HIVEP1: variants seen among roughly 807,000 people sequenced by gnomAD.
The protein encoded by HIVEP1 is zinc finger protein 40.
Under a neutral mutation model 180.0 loss-of-function variants are expected in HIVEP1, and 36 were observed. The observed-to-expected ratio is 0.20, with a 90% CI of 0.15 to 0.26. The LOEUF (loss-of-function observed/expected upper bound fraction) is 0.26. HIVEP1 is among the 10% of genes least tolerant of loss of function. The pLI, the probability that HIVEP1 is intolerant of heterozygous loss-of-function variation, is 1.00. For synonymous variants in HIVEP1, 1,239 were observed against 1,239.0 expected (o/e 1.00, Z 0.00); for missense variants, 3,143 against 3,268.7 (o/e 0.96, Z 0.94).
At chr6:12,016,982 CCCTAG>C (rs1185570599) in intron 2 of HIVEP1, among the ~76,000 whole-genome samples, 1 of 152,194 alleles carries the variant, frequency 6.6e-6, no homozygotes, top group Non-Finnish European at 1.5e-5. Flanking sequence ...TGAGCAGCAG[CCCTAG>C]CCCAGCACAG....
At chr6:12,015,697 G>T (rs1300959918) in intron 2 of HIVEP1, 29 bp downstream of exon 2, 5 of 1,598,700 alleles carry the variant, frequency 3.1e-6, no homozygotes, top group Non-Finnish European at 4.3e-6. Context: ...TAGAAGTAAG[G>T]CTTGCTGTAA....
chr6:12,048,991 A>G (rs1163398015), intron 2 of HIVEP1, among the ~76,000 whole-genome samples: 2 of 152,226 alleles, frequency 1.3e-5, no homozygotes, highest in Non-Finnish European at 2.9e-5. Flanking sequence ...ATTGGGCATT[A>G]TGATGAGATT....
intron 2 of HIVEP1, among the ~76,000 whole-genome samples, chr6:12,021,177 C>T (rs12660475): frequency 6.6e-6 from 1 of 152,164 alleles, no homozygotes; most frequent in African/African-American, 2.4e-5. Flanking sequence ...TGAGCCACCG[C>T]ACCCGGCCCA....
At chr6:12,093,217 C>T (rs894437565) in intron 3 of HIVEP1, among the ~76,000 whole-genome samples, 4 of 151,982 alleles carry the variant, frequency 2.6e-5, no homozygotes, top group African/African-American at 4.8e-5. Context: ...GAAATGCTTG[C>T]TATTATTATT....
At chr6:12,160,980 A>C (rs995257563) in intron 7 of HIVEP1, among the ~76,000 whole-genome samples, 1 of 152,248 alleles carries the variant, frequency 6.6e-6, no homozygotes, top group Non-Finnish European at 1.5e-5. Context: ...TTGCTCACAG[A>C]TACCAACAGC....
intron 2 of HIVEP1, among the ~76,000 whole-genome samples, chr6:12,044,917 C>T (rs1770028798): frequency 6.6e-6 from 1 of 152,254 alleles, no homozygotes; most frequent in Non-Finnish European, 1.5e-5. Flanking sequence ...ACCCACATCC[C>T]TCCTGTGTAG....
rs1769097319 is a variant in HIVEP1 at position 12,033,634 on chromosome 6, T to A, written c.40+17966T>A. ...GGGTGGACACAACTGGACTCCAGTA[T>A]GTCCAAACCCTCTTAATAATACTAT... On this transcript the variant is annotated intron_variant, in intron 2 of 8. Coordinates refer to ENST00000379388, the MANE Select transcript of HIVEP1 (RefSeq NM_002114.4). 2.0e-5 allele frequency among the ~76,000 whole-genome samples: 3 copies of A among 152,358 alleles called. No individual in the cohort carries two copies. The South Asian group carries it at 6.2e-4, about 32-fold the overall frequency.
chr6:12,195,595 C>T, the HIVEP1 span, among the ~76,000 whole-genome samples: 1 of 152,070 alleles, frequency 6.6e-6, no homozygotes, highest in African/African-American at 2.4e-5. Flanking sequence ...AAACTGAGGC[C>T]TAAGAGGAAT....
intron 3 of HIVEP1, among the ~76,000 whole-genome samples, chr6:12,103,460 T>C (rs953080604): frequency 1.7e-4 from 26 of 152,018 alleles, no homozygotes; most frequent in Non-Finnish European, 5.9e-5. Context: ...ACAGTGATGA[T>C]TTGAGAAAAA....
Position 12,063,490 on chromosome 6 carries a change from G to A in HIVEP1, c.41-25694G>A, listed in dbSNP as rs1344811819. Among the ~76,000 whole-genome samples the A allele has an allele frequency of 6.6e-6, 1 of 152,156 alleles. No homozygotes were observed. Among genetic ancestry groups the A allele is most frequent in the East Asian group, 1.9e-4 (1 of 5,182 alleles). On this transcript the variant is annotated intron_variant, in intron 2 of 8. Transcript: ENST00000379388. The surrounding 1 kb of genome is among the most constrained non-coding windows in gnomAD (Gnocchi z 4.2). ...ATTGGTGGAAAGTGGGGAGGGAGGA[G>A]CTGGCTCATGTTGGCAGGTGTGGCT...
chr6:12,136,263 C>T (rs933168686), intron 7 of HIVEP1, among the ~76,000 whole-genome samples: 1 of 152,140 alleles, frequency 6.6e-6, no homozygotes, highest in African/African-American at 2.4e-5. Flanking sequence ...TACCTACCCT[C>T]ATGCTTGAAT....
intron 3 of HIVEP1, among the ~76,000 whole-genome samples, chr6:12,113,542 C>G (rs935583068): frequency 3.3e-5 from 5 of 152,074 alleles, no homozygotes; most frequent in African/African-American, 1.2e-4. Context: ...GCTTGAATTA[C>G]ATTGCATGAG....
rs79504819 is a variant in HIVEP1 at position 12,091,541 on chromosome 6, T to C, written c.94+2304T>C. On this transcript the variant is annotated intron_variant, in intron 3 of 8. Transcript: ENST00000379388. ...TAAAAGCAACTTCCTCATTAATAGA[T>C]TAAAAAAGACATTTCCTCTTGTATT... Among the ~76,000 whole-genome samples, 1,236 of 152,184 alleles carry C rather than the reference T, an allele frequency of 8.1e-3. 14 individuals are homozygous for C. Among genetic ancestry groups the C allele is most frequent in the African/African-American group, 0.029 (1,193 of 41,550 alleles).
At chr6:12,185,945 T>A in the HIVEP1 span, among the ~76,000 whole-genome samples, 1 of 152,194 alleles carries the variant, frequency 6.6e-6, no homozygotes, top group African/African-American at 2.4e-5. Flanking sequence ...CCTAGAAATC[T>A]AATCAAGAGA....
chr6:12,162,759 A>G (rs1032388279), intron 8 of HIVEP1, among the ~76,000 whole-genome samples: 8 of 152,246 alleles, frequency 5.3e-5, no homozygotes, highest in African/African-American at 1.9e-4. Context: ...TAGACATTTC[A>G]TAAACTTGCA....
At chr6:12,167,738 GTA>G (rs1760763591), downstream of HIVEP1, among the ~76,000 whole-genome samples, 1 of 79,958 alleles carries the variant, frequency 1.3e-5, no homozygotes, top group Non-Finnish European at 2.7e-5. Flanking sequence ...ATATACATGT[GTA>G]TATGTGCGTG....
At chr6:12,142,409 C>A (rs1759097178) in intron 7 of HIVEP1, among the ~76,000 whole-genome samples, 1 of 152,144 alleles carries the variant, frequency 6.6e-6, no homozygotes, top group Non-Finnish European at 1.5e-5. Context: ...ATTTATAGCA[C>A]TAAATGCCCA....
chr6:12,011,588 G>A (rs945474258), upstream of HIVEP1, among the ~76,000 whole-genome samples: 1 of 143,610 alleles, frequency 7.0e-6, no homozygotes, highest in East Asian at 2.2e-4. Context: ...CCCGGGCTGC[G>A]CTGCCACCTC....
chr6:12,035,124 A>G (rs1769191918), intron 2 of HIVEP1, among the ~76,000 whole-genome samples: 1 of 152,228 alleles, frequency 6.6e-6, no homozygotes, highest in African/African-American at 2.4e-5. Flanking sequence ...GGGTATATGC[A>G]CATGGTCTTG....
Sources: gnomAD v4.1 joint callset for allele counts (sites outside exome capture counted in the v4.1 genomes callset) on GRCh38, gnomAD v4.1.1 for gene constraint, Gnocchi (gnomAD v3.1) non-coding constraint, MANE v1.5 for transcripts, NCBI Gene and HGNC (gene_info 2026-07-23, HGNC 2026-07-21) for gene names.